Variants in TENM2 observed in about 807,000 individuals in gnomAD.
TENM2 encodes the protein teneurin transmembrane protein 2.
A neutral mutation model predicts 245.2 loss-of-function variants in TENM2; 52 were observed. The observed-to-expected ratio is 0.21, with a 90% CI of 0.17 to 0.27. The LOEUF is 0.27. TENM2 is among the 10% of genes least tolerant of loss of function. The pLI, the probability that TENM2 is intolerant of heterozygous loss-of-function variation, is 1.00. For missense variants in TENM2, 3,046 were observed against 3,666.8 expected, an observed-to-expected ratio of 0.83 and a Z score of 4.37; for synonymous variants, 1,363 against 1,438.9, an observed-to-expected ratio of 0.95 and a Z score of 1.19.
At chr5:167,929,973 T>A (rs1053458340) in intron 3 of TENM2, among the ~76,000 whole-genome samples, 1 of 152,162 alleles carries the variant, frequency 6.6e-6, no homozygotes, top group African/African-American at 2.4e-5. Flanking sequence ...ATGCACCAAT[T>A]CTCAAGACAA....
intron 2 of TENM2, among the ~76,000 whole-genome samples, chr5:167,791,827 G>T (rs184076763): frequency 6.6e-6 from 1 of 151,962 alleles, no homozygotes; most frequent in East Asian, 1.9e-4. Context: ...CAGCCTGACC[G>T]CTGGGCCACA....
chr5:167,642,379 T>C (rs1242428676), intron 2 of TENM2, among the ~76,000 whole-genome samples: 1 of 152,118 alleles, frequency 6.6e-6, no homozygotes, highest in Non-Finnish European at 1.5e-5. Flanking sequence ...AGATGGTATT[T>C]ACAAAATGAG....
chr5:167,590,600 T>C (rs1775810691), intron 2 of TENM2, among the ~76,000 whole-genome samples: 1 of 152,168 alleles, frequency 6.6e-6, no homozygotes, highest in Non-Finnish European at 1.5e-5. Context: ...CTTGCTTAAC[T>C]TTCATCTTGA....
At chr5:167,353,587 A>G (rs997797607) in intron 1 of TENM2, among the ~76,000 whole-genome samples, 6 of 130,222 alleles carry the variant, frequency 4.6e-5, no homozygotes, top group African/African-American at 8.5e-5. Context: ...GGCTCACTGC[A>G]AGCTCCGCCT....
chr5:168,169,023 C>CATT (rs1758557984), intron 13 of TENM2, among the ~76,000 whole-genome samples: 1 of 152,272 alleles, frequency 6.6e-6, no homozygotes, highest in South Asian at 2.1e-4. Flanking sequence ...TGGATAAACA[C>CATT]ATTGTTATTA....
chr5:167,865,192 G>A (rs1457546404), intron 2 of TENM2, among the ~76,000 whole-genome samples: 1 of 152,208 alleles, frequency 6.6e-6, no homozygotes, highest in African/African-American at 2.4e-5. Flanking sequence ...TTGTTGGATT[G>A]TCTTGGGTTA....
At chr5:168,048,012 T>G (rs932114341) in intron 6 of TENM2, among the ~76,000 whole-genome samples, 1 of 152,182 alleles carries the variant, frequency 6.6e-6, no homozygotes, top group East Asian at 1.9e-4. Context: ...GGGAGGAAGC[T>G]GCCTGGCTTG....
At chr5:167,952,760 A>C (rs1312892842) in exon 4 of TENM2, 3 of 1,583,274 alleles carry the variant, frequency 1.9e-6, no homozygotes, top group South Asian at 1.2e-5. Context: ...TGGCCACCAC[A>C]CCAGAGTCCG....
At chr5:168,102,771 G>A (rs1019076039) in intron 9 of TENM2, among the ~76,000 whole-genome samples, 4 of 152,148 alleles carry the variant, frequency 2.6e-5, no homozygotes, top group African/African-American at 9.7e-5. Context: ...TATACTTCCA[G>A]TTGTTTTTAA....
intron 2 of TENM2, among the ~76,000 whole-genome samples, chr5:167,504,934 T>A (rs1444021565): frequency 6.6e-6 from 1 of 152,162 alleles, no homozygotes. Flanking sequence ...GTATACTATT[T>A]TTGAGTTTTC....
chr5:167,557,280 C>T (rs1309561886), intron 2 of TENM2, among the ~76,000 whole-genome samples: 1 of 152,110 alleles, frequency 6.6e-6, no homozygotes, highest in African/African-American at 2.4e-5. Context: ...AATATTCTTA[C>T]CATCACGATT....
rs111301552 is a variant in TENM2 at position 167,751,953 on chromosome 5, T to TACACAC, written c.503-124015_503-124010dup. 4.5e-3 allele frequency among the ~76,000 whole-genome samples: 669 copies of TACACAC among 149,756 alleles called. 20 individuals carry two copies. In the East Asian group the frequency reaches 0.086, roughly 19 times the overall value. On this transcript the variant is annotated intron_variant, in intron 2 of 28. Coordinates refer to ENST00000518659, the Ensembl canonical transcript of TENM2. ...GGACGCGTAGTTTCTGTGAAAATAATACACACACACACACACACACACATG... is the reference window on the plus strand; with the variant it reads ...GGACGCGTAGTTTCTGTGAAAATAATACACACACACACACACACACACACACACATG...
At chr5:167,609,508 AAAAAC>A (rs367798643) in intron 2 of TENM2, among the ~76,000 whole-genome samples, 15,352 of 70,422 alleles carry the variant, frequency 0.22, 1,155 homozygotes, top group Middle Eastern at 0.36. Flanking sequence ...AAAAAAAAAA[AAAAAC>A]AAAACCTTAC....
At chr5:167,154,695 T>C in the TENM2 span, among the ~76,000 whole-genome samples, 1 of 152,206 alleles carries the variant, frequency 6.6e-6, no homozygotes, top group Non-Finnish European at 1.5e-5. Context: ...TTCTCTTTTT[T>C]CCATTGTTCA....
At chr5:167,216,204 G>A in the TENM2 span, among the ~76,000 whole-genome samples, 517 of 152,310 alleles carry the variant, frequency 3.4e-3, 4 homozygotes, top group African/African-American at 0.012. Context: ...GTCCCCATTA[G>A]AACTCCACCC....
chr5:167,165,608 CA>C, the TENM2 span, among the ~76,000 whole-genome samples: 1 of 151,342 alleles, frequency 6.6e-6, no homozygotes, highest in Admixed American at 6.6e-5. Context: ...GCTGAATACA[CA>C]AAAAAAATCT....
chr5:167,429,578 A>G (rs1365119156), intron 2 of TENM2, among the ~76,000 whole-genome samples: 1 of 148,716 alleles, frequency 6.7e-6, no homozygotes, highest in African/African-American at 2.5e-5. Context: ...CAGGAAGGTC[A>G]GGGAAATTCT....
At chr5:167,345,316 C>T (rs554158860) in intron 1 of TENM2, among the ~76,000 whole-genome samples, 2 of 152,296 alleles carry the variant, frequency 1.3e-5, no homozygotes, top group African/African-American at 4.8e-5. Context: ...ACGTGTCCAT[C>T]AGCTTGTGGC....
intron 2 of TENM2, among the ~76,000 whole-genome samples, chr5:167,757,870 A>C (rs1406386841): frequency 6.6e-6 from 1 of 152,208 alleles, no homozygotes; most frequent in Non-Finnish European, 1.5e-5. Flanking sequence ...CAGAAAGAGA[A>C]CAAGGGGTTT....
Sources: allele counts gnomAD v4.1 joint callset (sites outside exome capture counted in the v4.1 genomes callset), GRCh38; gene constraint gnomAD v4.1.1; transcripts MANE v1.5; gene names NCBI Gene and HGNC (gene_info 2026-07-23, HGNC 2026-07-21).